CCAR1: variants seen among roughly 807,000 people sequenced by gnomAD.
CCAR1 encodes cell division cycle and apoptosis regulator protein 1.
A neutral mutation model predicts 163.8 loss-of-function variants in CCAR1; 78 were observed. The observed-to-expected ratio is 0.48, with a 90% CI of 0.40 to 0.57. The LOEUF (loss-of-function observed/expected upper bound fraction) is 0.57. Ranked by LOEUF, CCAR1 falls within the 20% of genes least tolerant of loss-of-function variation. CCAR1 has a pLI of 0.00. For missense variants in CCAR1, 1,019 were observed against 1,365.2 expected (o/e 0.75, Z 4.00); for synonymous variants, 443 against 460.7 (o/e 0.96, Z 0.49).
rs138870117 is a variant in CCAR1 at position 68,728,572 on chromosome 10, TGA to T, written c.73+5999_73+6000del. On this transcript the variant is annotated intron_variant, in intron 2 of 24. Coordinates refer to ENST00000265872, the MANE Select transcript of CCAR1 (RefSeq NM_018237.4). Reference sequence around the variant, plus strand: ...TCCTCACTTCCAAAGGACTTCTGTCTGAGAGCGGAAGAGCTGTCATCTGTTAG... The same window carrying T: ...TCCTCACTTCCAAAGGACTTCTGTCTGAGCGGAAGAGCTGTCATCTGTTAG... 6.0e-3 allele frequency among the ~76,000 whole-genome samples: 919 copies of T among 152,324 alleles called. 7 individuals are homozygous for T. Among genetic ancestry groups the T allele is most frequent in the African/African-American group, 0.021 (877 of 41,574 alleles).
chr10:68,768,787 A>G (rs78948524), intron 17 of CCAR1, among the ~76,000 whole-genome samples: 3,075 of 152,274 alleles, frequency 0.02, 108 homozygotes, highest in African/African-American at 0.07. Flanking sequence ...CTGGGCCAAC[A>G]TAGTGAGACT....
At chr10:68,749,332 C>A in intron 9 of CCAR1, 67 bp downstream of exon 9, 1 of 1,417,704 alleles carries the variant, frequency 7.1e-7, no homozygotes, top group Non-Finnish European at 9.5e-7. Context: ...ATAGTTAATG[C>A]CACTGAACTA....
chr10:68,767,587 C>T (rs956744328), intron 17 of CCAR1, among the ~76,000 whole-genome samples: 1 of 152,172 alleles, frequency 6.6e-6, no homozygotes, highest in East Asian at 1.9e-4. Context: ...CTCTGTCACC[C>T]AGGCTGGAGT....
intron 5 of CCAR1, 132 bp downstream of exon 5, chr10:68,740,793 T>A: frequency 3.2e-6 from 2 of 634,206 alleles, no homozygotes; most frequent in Non-Finnish European, 5.4e-6. Flanking sequence ...AATATAATGC[T>A]AAATAAAGGT....
chr10:68,737,941 C>T, intron 4 of CCAR1, 52 bp downstream of exon 4: 2 of 1,209,714 alleles, frequency 1.7e-6, no homozygotes, highest in Non-Finnish European at 2.4e-6. Flanking sequence ...GCCATTTGCT[C>T]CAAAGTTCAA....
At chr10:68,738,270 CG>C (rs556391471) in intron 4 of CCAR1, among the ~76,000 whole-genome samples, 2 of 151,994 alleles carry the variant, frequency 1.3e-5, no homozygotes, top group African/African-American at 4.8e-5. Context: ...CAAAATTAGC[CG>C]GGTGTGGTGG....
chr10:68,739,980 A>G (rs1389863110), intron 4 of CCAR1, among the ~76,000 whole-genome samples: 2 of 152,168 alleles, frequency 1.3e-5, no homozygotes, highest in Non-Finnish European at 2.9e-5. Flanking sequence ...ACACTTTGCT[A>G]TTACAGAAAA....
intron 16 of CCAR1, among the ~76,000 whole-genome samples, 197 bp downstream of exon 16, chr10:68,761,389 C>T (rs2056468022): frequency 6.6e-6 from 1 of 152,134 alleles, no homozygotes; most frequent in Non-Finnish European, 1.5e-5. Context: ...TCACTGCAAC[C>T]TCCGCATCCC....
intron 19 of CCAR1, among the ~76,000 whole-genome samples, chr10:68,777,321 G>C (rs537535251): frequency 1.3e-4 from 20 of 152,230 alleles, no homozygotes; most frequent in Admixed American, 1.3e-4. Flanking sequence ...GCAAAATTTA[G>C]AATTTATTTC....
intron 2 of CCAR1, among the ~76,000 whole-genome samples, chr10:68,730,086 T>C (rs967335507): frequency 4.0e-5 from 6 of 151,710 alleles, no homozygotes; most frequent in Non-Finnish European, 5.9e-5. Flanking sequence ...CACACCCAGC[T>C]AATTTTTGTA....
chr10:68,730,406 C>T (rs1004404705), intron 2 of CCAR1, among the ~76,000 whole-genome samples: 5 of 151,330 alleles, frequency 3.3e-5, no homozygotes, highest in East Asian at 1.9e-4. Flanking sequence ...GGCAGGGTCT[C>T]GGCTCACTGT....
intron 2 of CCAR1, among the ~76,000 whole-genome samples, chr10:68,728,067 CCT>C (rs2055974217): frequency 6.6e-6 from 1 of 152,156 alleles, no homozygotes; most frequent in South Asian, 2.1e-4. Flanking sequence ...GAACTTCTGA[CCT>C]CAGGTAATCC....
chr10:68,786,091 A>C (rs1476878346), intron 19 of CCAR1, 45 bp from the exon 20 acceptor site: 11 of 1,271,210 alleles, frequency 8.7e-6, no homozygotes, highest in Non-Finnish European at 1.1e-5. Context: ...ACTTGAAAGT[A>C]TGTGTATTAA....
rs1208017961 is a variant in CCAR1 at position 68,787,917 on chromosome 10, T to C, written c.2881-10T>C. ...CATCTCTGTATTTTGTTTACTTGCA[T>C]GCATAACAGGTAAAGAAGCTTCTTA... On this transcript the variant is annotated splice_polypyrimidine_tract_variant and intron_variant, in intron 21 of 24. Transcript: ENST00000265872. 6.3e-7 allele frequency: 1 copy of C among 1,592,310 alleles called. No individual in the cohort carries two copies. The highest frequency in any genetic ancestry group is 8.5e-7 in the Non-Finnish European group (1 of 1,173,576).
rs1317585012 is a variant in CCAR1, at chr10:68,791,332, A to G, written c.*66A>G. On this transcript the variant is annotated 3_prime_UTR_variant, in exon 25 of 25. Transcript: ENST00000265872. The stretch of plus-strand genomic sequence containing the variant: ...AATATATAAAAATCATGATATAAGA[A>G]TGTTTGAAGGTGATGCATGTTTGAT... 4.5e-6 allele frequency: 5 copies of G among 1,112,320 alleles called. No homozygotes were observed. The South Asian group carries it at 7.2e-5, about 16-fold the overall frequency. 68.9% of individuals were successfully genotyped at this position (1,112,320 alleles called of 1,614,324 possible).
intron 17 of CCAR1, 152 bp from the exon 18 acceptor site, chr10:68,771,054 G>T (rs918992520): frequency 7.9e-6 from 4 of 507,184 alleles, no homozygotes; most frequent in Non-Finnish European, 1.3e-5. Flanking sequence ...CTCCAGCCTG[G>T]GCGACAGAGC....
At chr10:68,769,275 G>A (rs1479796673) in intron 17 of CCAR1, among the ~76,000 whole-genome samples, 2 of 152,084 alleles carry the variant, frequency 1.3e-5, no homozygotes, top group South Asian at 2.1e-4. Flanking sequence ...TGCGTGGCCC[G>A]TTTTAGCCCT....
chr10:68,754,693 T>A, intron 11 of CCAR1, 21 bp from the exon 12 acceptor site: 1 of 1,250,050 alleles, frequency 8.0e-7, no homozygotes, highest in Non-Finnish European at 1.2e-6. Flanking sequence ...TTGACAGGAT[T>A]GAATTATTTG....
intron 17 of CCAR1, among the ~76,000 whole-genome samples, chr10:68,770,985 G>A (rs1315567593): frequency 6.6e-6 from 1 of 152,126 alleles, no homozygotes; most frequent in African/African-American, 2.4e-5. Flanking sequence ...GGCTGAGGCA[G>A]GAGAATGGCG....
Sources: gnomAD v4.1 joint callset for allele counts (sites outside exome capture counted in the v4.1 genomes callset) on GRCh38, gnomAD v4.1.1 for gene constraint, MANE v1.5 for transcripts, NCBI Gene and HGNC (gene_info 2026-07-23, HGNC 2026-07-21) for gene names.